Variants in CACNA2D3 observed in about 807,000 individuals in gnomAD.
The protein encoded by CACNA2D3 is voltage-dependent calcium channel subunit alpha-2/delta-3.
A neutral mutation model predicts 160.6 loss-of-function variants in CACNA2D3; 60 were observed. That is an observed-to-expected ratio of 0.37 (90% CI 0.30 to 0.46). The LOEUF is 0.46. CACNA2D3 is among the 20% of genes least tolerant of loss of function. The probability of loss-of-function intolerance (pLI) is 1.00; values close to 1 mark genes in which losing one functional copy is unlikely to be tolerated. For synonymous variants in CACNA2D3, 558 were observed against 492.9 expected (o/e 1.13, Z -1.75); for missense variants, 1,205 against 1,365.0 (o/e 0.88, Z 1.85).
At chr3:54,621,033 C>A (rs1040566640) in intron 9 of CACNA2D3, among the ~76,000 whole-genome samples, 1 of 152,080 alleles carries the variant, frequency 6.6e-6, no homozygotes, top group Non-Finnish European at 1.5e-5. Context: ...CTAATGGGTA[C>A]GAAATTCATG....
Position 54,618,352 on chromosome 3 carries a change from CAT to C in CACNA2D3, c.964-9414_964-9413del, listed in dbSNP as rs140732966. Among the ~76,000 whole-genome samples, 367 of 119,882 alleles carry C rather than the reference CAT, an allele frequency of 3.1e-3. 5 individuals are homozygous for C. Among genetic ancestry groups the C allele is most frequent in the African/African-American group, 0.01 (316 of 31,196 alleles). The allele number at this position is 119,882 out of a possible 152,430, so 78.6% of individuals were successfully genotyped here. ...AAGTTCAAATTGATGTTGATACATA[CAT>C]ATATATATATATATATATATGCACA... On this transcript the variant is annotated intron_variant, in intron 9 of 37. Transcript: ENST00000474759.
At chr3:54,177,074 A>C (rs1700692995) in intron 2 of CACNA2D3, among the ~76,000 whole-genome samples, 1 of 152,220 alleles carries the variant, frequency 6.6e-6, no homozygotes, top group East Asian at 1.9e-4. Context: ...TGCCTTCCAA[A>C]GAGTGAGTCC....
chr3:54,540,000 A>G (rs1701947113), intron 5 of CACNA2D3, among the ~76,000 whole-genome samples: 1 of 152,100 alleles, frequency 6.6e-6, no homozygotes, highest in Admixed American at 6.6e-5. Flanking sequence ...TGAAATAATC[A>G]CCAACTCAAT....
At chr3:54,470,370 G>T (rs1274306498) in intron 4 of CACNA2D3, among the ~76,000 whole-genome samples, 1 of 152,128 alleles carries the variant, frequency 6.6e-6, no homozygotes, top group African/African-American at 2.4e-5. Context: ...CCTTTACAGA[G>T]AAGCAAATGG....
chr3:54,784,823 G>C (rs1418914394), intron 13 of CACNA2D3, among the ~76,000 whole-genome samples: 1 of 152,166 alleles, frequency 6.6e-6, no homozygotes, highest in Non-Finnish European at 1.5e-5. Flanking sequence ...CAAGAGCAAG[G>C]ATAGCTCCTA....
At chr3:55,033,699 AATAT>A (rs1559469342) in intron 35 of CACNA2D3, among the ~76,000 whole-genome samples, 1 of 130,780 alleles carries the variant, frequency 7.6e-6, no homozygotes, top group Non-Finnish European at 1.6e-5. Context: ...ACCCTTAAAA[AATAT>A]ATATAATATA....
intron 11 of CACNA2D3, among the ~76,000 whole-genome samples, chr3:54,751,022 G>C (rs557953856): frequency 1.1e-4 from 16 of 151,904 alleles, no homozygotes; most frequent in African/African-American, 3.6e-4. Context: ...TGCCCACCTC[G>C]GCCTCCCAAA....
At chr3:55,052,777 G>A (rs546262082) in intron 35 of CACNA2D3, among the ~76,000 whole-genome samples, 2 of 152,084 alleles carry the variant, frequency 1.3e-5, no homozygotes, top group East Asian at 1.9e-4. Context: ...TCTGAAGTAC[G>A]CTTTGTCTAA....
At chr3:55,066,673 G>GT (rs1704645758) in intron 35 of CACNA2D3, among the ~76,000 whole-genome samples, 1 of 152,168 alleles carries the variant, frequency 6.6e-6, no homozygotes, top group Non-Finnish European at 1.5e-5. Flanking sequence ...TCTGTCTGTA[G>GT]TGAGTGGGAA....
intron 13 of CACNA2D3, among the ~76,000 whole-genome samples, chr3:54,773,407 C>A (rs542142042): frequency 1.2e-4 from 19 of 152,112 alleles, no homozygotes; most frequent in Admixed American, 2.6e-4. Context: ...AAGAGACACA[C>A]GTAAAGAGAA....
chr3:54,361,102 A>G (rs1698734227), intron 3 of CACNA2D3, among the ~76,000 whole-genome samples: 1 of 152,072 alleles, frequency 6.6e-6, no homozygotes, highest in Non-Finnish European at 1.5e-5. Flanking sequence ...TAAAAATGTA[A>G]TGTTTCTTAG....
chr3:54,953,144 A>G (rs1701799264), intron 27 of CACNA2D3, among the ~76,000 whole-genome samples: 1 of 152,174 alleles, frequency 6.6e-6, no homozygotes, highest in South Asian at 2.1e-4. Context: ...TTTACTGAAT[A>G]TTTACTATGT....
intron 4 of CACNA2D3, among the ~76,000 whole-genome samples, chr3:54,460,689 G>A (rs1383318416): frequency 6.6e-6 from 1 of 152,140 alleles, no homozygotes; most frequent in Non-Finnish European, 1.5e-5. Flanking sequence ...AGGCAATGGG[G>A]TTTTCTAGAT....
chr3:54,935,072 T>A (rs1340100136), intron 27 of CACNA2D3, among the ~76,000 whole-genome samples: 2 of 152,322 alleles, frequency 1.3e-5, no homozygotes, highest in South Asian at 2.1e-4. Context: ...TCTCATCACC[T>A]TGAACCTGTT....
chr3:54,899,415 T>C (rs1189715923), intron 26 of CACNA2D3, among the ~76,000 whole-genome samples: 1 of 152,226 alleles, frequency 6.6e-6, no homozygotes, highest in East Asian at 1.9e-4. Context: ...CAGCTCTTCA[T>C]GGTTATATTT....
At chr3:54,469,719 T>C (rs1279602997) in intron 4 of CACNA2D3, among the ~76,000 whole-genome samples, 2 of 151,584 alleles carry the variant, frequency 1.3e-5, no homozygotes, top group Non-Finnish European at 2.9e-5. Flanking sequence ...GACTAACCAG[T>C]TTAGAGAATA....
At chr3:54,301,024 T>TAA (rs1213981929) in intron 2 of CACNA2D3, among the ~76,000 whole-genome samples, 3 of 140,098 alleles carry the variant, frequency 2.1e-5, no homozygotes, top group African/African-American at 5.3e-5. Flanking sequence ...TGTGTCCCTT[T>TAA]AAAAAAAAAA....
intron 31 of CACNA2D3, among the ~76,000 whole-genome samples, chr3:54,988,466 C>T (rs373423377): frequency 3.3e-5 from 5 of 152,192 alleles, no homozygotes; most frequent in African/African-American, 1.2e-4. Flanking sequence ...GAATGCCTCC[C>T]TGGGGGTCCA....
chr3:54,763,906 GGGT>G (rs1263722115), intron 12 of CACNA2D3, among the ~76,000 whole-genome samples: 1 of 97,426 alleles, frequency 1.0e-5, no homozygotes, highest in Non-Finnish European at 2.1e-5. Context: ...TGGGGGGGGG[GGGT>G]GCATATAAAG....
Sources: gnomAD v4.1 joint callset for allele counts (sites outside exome capture counted in the v4.1 genomes callset) on GRCh38, gnomAD v4.1.1 for gene constraint, MANE v1.5 for transcripts, NCBI Gene and HGNC (gene_info 2026-07-23, HGNC 2026-07-21) for gene names.